The following SLC35F1 variants were observed in gnomAD, a reference collection of about 807,000 sequenced individuals.
SLC35F1 encodes the protein chromosome 6 open reading frame 169.
Under a neutral mutation model 48.7 loss-of-function variants are expected in SLC35F1, and 14 were observed. The observed-to-expected ratio is 0.29, with a 90% CI of 0.19 to 0.45. The LOEUF is 0.45. Among genes scored for constraint, SLC35F1 ranks in the 20% least tolerant of loss-of-function variants. The pLI, the probability that SLC35F1 is intolerant of heterozygous loss-of-function variation, is 1.00. For missense variants in SLC35F1, 404 were observed against 500.0 expected (o/e 0.81, Z 1.83); for synonymous variants, 190 against 202.2 (o/e 0.94, Z 0.51).
chr6:117,936,236 T>G (rs1776161466), intron 1 of SLC35F1, among the ~76,000 whole-genome samples: 1 of 152,178 alleles, frequency 6.6e-6, no homozygotes, highest in Non-Finnish European at 1.5e-5. Flanking sequence ...ACTTTCTGTT[T>G]CTTGTGAACA....
At chr6:118,082,503 G>A (rs1772926472) in intron 1 of SLC35F1, among the ~76,000 whole-genome samples, 1 of 152,054 alleles carries the variant, frequency 6.6e-6, no homozygotes, top group Admixed American at 6.6e-5. Context: ...AGTAATGTCT[G>A]TCTTTTCCTT....
At chr6:117,955,444 A>G (rs1039775214) in intron 1 of SLC35F1, among the ~76,000 whole-genome samples, 4 of 152,216 alleles carry the variant, frequency 2.6e-5, no homozygotes, top group Non-Finnish European at 4.4e-5. Flanking sequence ...TACCACACTC[A>G]GAGAGGCTGA....
At chr6:118,059,214 T>C (rs1469132530) in intron 1 of SLC35F1, among the ~76,000 whole-genome samples, 1 of 152,214 alleles carries the variant, frequency 6.6e-6, no homozygotes, top group African/African-American at 2.4e-5. Flanking sequence ...ATCATGTTAT[T>C]CAGTACACTG....
intron 1 of SLC35F1, among the ~76,000 whole-genome samples, chr6:118,136,173 A>AT (rs1773792014): frequency 6.6e-6 from 1 of 152,092 alleles, no homozygotes; most frequent in Non-Finnish European, 1.5e-5. Flanking sequence ...GGTGTACAGC[A>AT]TTTTTTGCAA....
chr6:117,947,393 G>T (rs1023745697), intron 1 of SLC35F1, among the ~76,000 whole-genome samples: 11 of 152,172 alleles, frequency 7.2e-5, no homozygotes, highest in African/African-American at 2.7e-4. Flanking sequence ...GCAAACCATT[G>T]TAAAGACTTT....
chr6:118,104,006 A>T (rs1402078462), intron 1 of SLC35F1, among the ~76,000 whole-genome samples: 1 of 152,126 alleles, frequency 6.6e-6, no homozygotes, highest in Non-Finnish European at 1.5e-5. Flanking sequence ...ATTCCTTCAC[A>T]AGAATAACCA....
At chr6:118,002,590 T>G (rs1777117678) in intron 1 of SLC35F1, among the ~76,000 whole-genome samples, 1 of 151,768 alleles carries the variant, frequency 6.6e-6, no homozygotes, top group African/African-American at 2.4e-5. Context: ...CCCTAAAACT[T>G]AAAGTATAAT....
In SLC35F1 at chr6:118,315,771, G is replaced by A. The variant is rs949913276; in HGVS notation, c.*1519G>A. The A allele has an allele frequency of 2.6e-5, 4 of 152,180 alleles. No homozygotes were observed. The highest frequency in any genetic ancestry group is 9.7e-5 in the African/African-American group (4 of 41,432). The allele number at this position is 152,180 out of a possible 1,614,324, so 9.4% of individuals were successfully genotyped here. ...CATTCTTATGGACCCAGAGAATACT[G>A]CAGGATCCTGATAAGACCTTGAGTG... On this transcript the variant is annotated 3_prime_UTR_variant, in exon 8 of 8. Transcript: ENST00000360388.
At chr6:118,115,541 C>T (rs1051961766) in intron 1 of SLC35F1, among the ~76,000 whole-genome samples, 3 of 152,200 alleles carry the variant, frequency 2.0e-5, no homozygotes, top group Admixed American at 1.3e-4. Context: ...GATCTTAAGT[C>T]TCAGTGTTTT....
chr6:118,212,463 G>C (rs1251549320), intron 2 of SLC35F1, among the ~76,000 whole-genome samples: 1 of 152,110 alleles, frequency 6.6e-6, no homozygotes, highest in African/African-American at 2.4e-5. Context: ...GGTGAGGCAG[G>C]AGGATCACCT....
At chr6:118,047,722 T>C (rs906141991) in intron 1 of SLC35F1, among the ~76,000 whole-genome samples, 2 of 152,170 alleles carry the variant, frequency 1.3e-5, no homozygotes, top group African/African-American at 2.4e-5. Flanking sequence ...CTGGAAATAA[T>C]AGCAATACAC....
At chr6:118,190,704 A>C (rs151286152) in intron 2 of SLC35F1, among the ~76,000 whole-genome samples, 5 of 152,176 alleles carry the variant, frequency 3.3e-5, no homozygotes, top group African/African-American at 1.2e-4. Context: ...GGGTTCTACT[A>C]TTGTGACTAT....
intron 1 of SLC35F1, among the ~76,000 whole-genome samples, chr6:117,998,771 A>T (rs923064301): frequency 3.3e-5 from 5 of 152,236 alleles, no homozygotes; most frequent in African/African-American, 1.2e-4. Flanking sequence ...GACACATTCA[A>T]AGCAGTGTGT....
chr6:118,235,358 TG>T lies in SLC35F1; in HGVS notation c.350-148del, dbSNP rs148423964. 2.4e-3 allele frequency: 1,867 copies of T among 769,572 alleles called. 33 individuals are homozygous for T. In the African/African-American group the frequency reaches 0.03, roughly 12 times the overall value. The allele number at this position is 769,572 out of a possible 1,614,324, so 47.7% of individuals were successfully genotyped here. On this transcript the variant is annotated intron_variant, in intron 2 of 7. Transcript: ENST00000360388. Reference sequence around the variant, plus strand: ...AGTTAATTTGCTAAATAAAAACATGTGGGTATCTGATACGTTGATTTATTTG... The same window carrying T: ...AGTTAATTTGCTAAATAAAAACATGTGGTATCTGATACGTTGATTTATTTG...
At chr6:118,248,620 G>A (rs894584643) in intron 3 of SLC35F1, among the ~76,000 whole-genome samples, 1 of 152,188 alleles carries the variant, frequency 6.6e-6, no homozygotes, top group Non-Finnish European at 1.5e-5. Flanking sequence ...GCTGAAAAAG[G>A]CAGGGAAAGG....
At chr6:118,005,888 C>T (rs1239700390) in intron 1 of SLC35F1, among the ~76,000 whole-genome samples, 2 of 152,308 alleles carry the variant, frequency 1.3e-5, no homozygotes, top group Non-Finnish European at 1.5e-5. Context: ...CTGAATTTCA[C>T]TTACTGCTTC....
chr6:118,244,538 A>G (rs1401110969), intron 3 of SLC35F1, among the ~76,000 whole-genome samples: 2 of 152,278 alleles, frequency 1.3e-5, no homozygotes, highest in Non-Finnish European at 2.9e-5. Flanking sequence ...GCCATTGGAA[A>G]GCAAGGGACG....
intron 1 of SLC35F1, among the ~76,000 whole-genome samples, chr6:118,111,055 G>A (rs1773392902): frequency 6.6e-6 from 1 of 152,040 alleles, no homozygotes; most frequent in Non-Finnish European, 1.5e-5. Flanking sequence ...CTCCCCCATA[G>A]TAAGGAGTTT....
intron 1 of SLC35F1, among the ~76,000 whole-genome samples, chr6:117,923,266 C>T (rs1489325304): frequency 6.6e-6 from 1 of 152,010 alleles, no homozygotes; most frequent in Non-Finnish European, 1.5e-5. Flanking sequence ...AATAAAACTA[C>T]AGCCCAGCCA....
Sources: gnomAD v4.1 joint callset for allele counts (sites outside exome capture counted in the v4.1 genomes callset) on GRCh38, gnomAD v4.1.1 for gene constraint, MANE v1.5 for transcripts, NCBI Gene and HGNC (gene_info 2026-07-23, HGNC 2026-07-21) for gene names.